The following AP3S1 variants were observed in gnomAD, a reference collection of about 807,000 sequenced individuals.
The protein encoded by AP3S1 is adaptor related protein complex 3 subunit sigma 1.
Under a neutral mutation model 21.3 loss-of-function variants are expected in AP3S1, and 12 were observed. The observed-to-expected ratio is 0.56, with a 90% confidence interval of 0.36 to 0.91. AP3S1 has a LOEUF of 0.91. Ranked by LOEUF, AP3S1 falls within the 40% of genes least tolerant of loss-of-function variation. The probability of loss-of-function intolerance (pLI) is 0.01; values close to 1 mark genes in which losing one functional copy is unlikely to be tolerated. For synonymous variants in AP3S1, 48 were observed against 78.4 expected, an observed-to-expected ratio of 0.61 and a Z score of 2.05; for missense variants, 116 against 225.0, an observed-to-expected ratio of 0.52 and a Z score of 3.10.
At chr5:115,863,847 A>G (rs1763392208) in intron 1 of AP3S1, among the ~76,000 whole-genome samples, 1 of 152,208 alleles carries the variant, frequency 6.6e-6, no homozygotes, top group Non-Finnish European at 1.5e-5. Flanking sequence ...TTATAGAAAG[A>G]GGTTTGAGTT....
At chr5:115,863,901 A>G (rs1038271748) in intron 1 of AP3S1, among the ~76,000 whole-genome samples, 1 of 152,246 alleles carries the variant, frequency 6.6e-6, no homozygotes, top group African/African-American at 2.4e-5. Flanking sequence ...TTGCTGACCA[A>G]GAGGTAGCAG....
chr5:115,867,645 C>A (rs1747813922), intron 2 of AP3S1, among the ~76,000 whole-genome samples: 1 of 152,136 alleles, frequency 6.6e-6, no homozygotes, highest in Non-Finnish European at 1.5e-5. Context: ...CCAATACATA[C>A]TTACAAATTT....
intron 3 of AP3S1, among the ~76,000 whole-genome samples, chr5:115,874,054 C>A (rs567927949): frequency 1.3e-5 from 2 of 151,964 alleles, no homozygotes; most frequent in African/African-American, 4.8e-5. Flanking sequence ...TTAATAAATT[C>A]GTTATGGAAT....
intron 3 of AP3S1, among the ~76,000 whole-genome samples, chr5:115,888,017 G>T (rs1749951341): frequency 6.6e-6 from 1 of 152,010 alleles, no homozygotes; most frequent in Admixed American, 6.6e-5. Context: ...TAATTAAAAT[G>T]CAGGACAATT....
chr5:115,896,807 A>G (rs1380469816), intron 4 of AP3S1, among the ~76,000 whole-genome samples: 1 of 152,180 alleles, frequency 6.6e-6, no homozygotes, highest in Non-Finnish European at 1.5e-5. Flanking sequence ...ATGTTTTGGT[A>G]CATGATTAAA....
chr5:115,867,411 C>G (rs1747780576), intron 2 of AP3S1, among the ~76,000 whole-genome samples: 1 of 152,002 alleles, frequency 6.6e-6, no homozygotes, highest in Non-Finnish European at 1.5e-5. Flanking sequence ...AGAATATTGC[C>G]AAATATTACA....
At chr5:115,892,738 T>A (rs1314798906) in intron 3 of AP3S1, among the ~76,000 whole-genome samples, 1 of 152,154 alleles carries the variant, frequency 6.6e-6, no homozygotes, top group Non-Finnish European at 1.5e-5. Context: ...GAATAAGACC[T>A]ACTATTTGAT....
chr5:115,883,652 C>T (rs1049097552), intron 3 of AP3S1, among the ~76,000 whole-genome samples: 3 of 152,218 alleles, frequency 2.0e-5, no homozygotes, highest in Admixed American at 6.5e-5. Context: ...CCTATTCGGC[C>T]ATCTTGCCAT....
chr5:115,868,349 G>A (rs1747882034), intron 2 of AP3S1, among the ~76,000 whole-genome samples: 1 of 151,962 alleles, frequency 6.6e-6, no homozygotes, highest in Non-Finnish European at 1.5e-5. Flanking sequence ...TGTTCTTTTT[G>A]CCTCTTTCAG....
At chr5:115,901,482 A>G (rs867151429) in intron 4 of AP3S1, among the ~76,000 whole-genome samples, 5 of 148,676 alleles carry the variant, frequency 3.4e-5, no homozygotes, top group South Asian at 2.1e-4. Context: ...ATTAATTTAT[A>G]TAAATTTGTC....
intron 5 of AP3S1, among the ~76,000 whole-genome samples, chr5:115,911,803 G>C (rs1367474011): frequency 6.6e-6 from 1 of 151,678 alleles, no homozygotes; most frequent in Non-Finnish European, 1.5e-5. Flanking sequence ...GGAAGGGGGG[G>C]TAACAAAAAC....
At chr5:115,873,479 A>G (rs1748450152) in intron 3 of AP3S1, among the ~76,000 whole-genome samples, 1 of 152,126 alleles carries the variant, frequency 6.6e-6, no homozygotes, top group African/African-American at 2.4e-5. Flanking sequence ...GTATTGTGTC[A>G]CAAAAAAGAA....
intron 3 of AP3S1, among the ~76,000 whole-genome samples, chr5:115,881,229 G>T (rs1451331252): frequency 6.6e-6 from 1 of 152,130 alleles, no homozygotes; most frequent in Non-Finnish European, 1.5e-5. Flanking sequence ...GTGTGTATTT[G>T]ATCCTGTCAT....
intron 1 of AP3S1, among the ~76,000 whole-genome samples, chr5:115,851,879 T>A (rs924087336): frequency 6.6e-6 from 1 of 152,076 alleles, no homozygotes. Flanking sequence ...TTTGGTATCA[T>A]ACCCAGAAAA....
At chr5:115,883,975 A>C (rs1399117520) in intron 3 of AP3S1, among the ~76,000 whole-genome samples, 1 of 152,174 alleles carries the variant, frequency 6.6e-6, no homozygotes, top group Non-Finnish European at 1.5e-5. Context: ...TACAAATCAA[A>C]TTAAGTCGCT....
chr5:115,868,922 A>G (rs1378284905), intron 2 of AP3S1, among the ~76,000 whole-genome samples: 1 of 100,542 alleles, frequency 9.9e-6, no homozygotes, highest in East Asian at 3.4e-4. Flanking sequence ...AGAGAGGATG[A>G]AGGGAGGGAG....
At chr5:115,888,330 C>CT (rs1189431606) in intron 3 of AP3S1, among the ~76,000 whole-genome samples, 3 of 152,020 alleles carry the variant, frequency 2.0e-5, no homozygotes, top group African/African-American at 4.8e-5. Flanking sequence ...CATCGAGACT[C>CT]TAATTTTTCC....
intron 3 of AP3S1, among the ~76,000 whole-genome samples, chr5:115,884,234 T>C (rs577623703): frequency 1.7e-4 from 26 of 152,224 alleles, no homozygotes; most frequent in Non-Finnish European, 3.4e-4. Context: ...TTTTTAAATA[T>C]CTCTTAATTT....
Position 115,889,820 on chromosome 5 carries a change from T to A in AP3S1, c.274-5267T>A, listed in dbSNP as rs530533926. On this transcript the variant is annotated intron_variant, in intron 3 of 5. Transcript: ENST00000316788. ...GTGAAACCATGTCTTTAAAAAAAAA[T>A]GATAAAAAGACCAATAGAAAATGAG... Among the ~76,000 whole-genome samples, 680 of 151,324 alleles carry A rather than the reference T, an allele frequency of 4.5e-3. 7 individuals carry two copies. Among genetic ancestry groups the A allele is most frequent in the African/African-American group, 0.016 (658 of 41,252 alleles).
Sources: allele counts gnomAD v4.1 joint callset (sites outside exome capture counted in the v4.1 genomes callset), GRCh38; gene constraint gnomAD v4.1.1; transcripts MANE v1.5; gene names NCBI Gene and HGNC (gene_info 2026-07-23, HGNC 2026-07-21).